Variants in TMEM120B observed in about 807,000 individuals in gnomAD.
TMEM120B encodes transmembrane protein 120B.
Under a neutral mutation model 55.5 loss-of-function variants are expected in TMEM120B, and 31 were observed. The observed-to-expected ratio is 0.56, with a 90% confidence interval of 0.42 to 0.75. The LOEUF (loss-of-function observed/expected upper bound fraction) is 0.75. Ranked by LOEUF, TMEM120B falls within the 30% of genes least tolerant of loss-of-function variation. The pLI is 0.00. For missense variants in TMEM120B, 399 were observed against 425.5 expected (o/e 0.94, Z 0.55); for synonymous variants, 203 against 176.3 (o/e 1.15, Z -1.20).
At chr12:121,752,107 T>C (rs1873349282) in intron 4 of TMEM120B, 21 bp from the exon 5 acceptor site, 2 of 1,604,820 alleles carry the variant, frequency 1.2e-6, no homozygotes, top group Admixed American at 3.3e-5. Context: ...GGCACACCCC[T>C]GGGCGTGTCT....
intron 6 of TMEM120B, among the ~76,000 whole-genome samples, chr12:121,770,634 A>G (rs1730820909): frequency 1.3e-5 from 2 of 151,990 alleles, no homozygotes; most frequent in African/African-American, 4.8e-5. Context: ...TGAGGCTTGA[A>G]GGCAGGTGAG....
chr12:121,781,403 C>T lies in TMEM120B; in HGVS notation c.*5681C>T. On this transcript the variant is annotated 3_prime_UTR_variant, in exon 12 of 12. Transcript: ENST00000449592. ...GGAGGATCGCTTGAGCCCAGGAGGT[C>T]AAGGCTACAGTGAGCCGTGATCATG... 1 of 540,936 alleles carries T rather than the reference C, an allele frequency of 1.8e-6. No homozygotes were observed. Among genetic ancestry groups the T allele is most frequent in the Non-Finnish European group, 3.3e-6 (1 of 299,616 alleles). The allele number at this position is 540,936 out of a possible 1,614,324, so 33.5% of individuals were successfully genotyped here. A position where few individuals can be genotyped will look rare whatever the true frequency, so the allele number is the denominator to read the frequency against.
intron 5 of TMEM120B, among the ~76,000 whole-genome samples, chr12:121,753,018 G>GAGTC (rs1247534142): frequency 4.6e-5 from 7 of 152,138 alleles, no homozygotes; most frequent in Admixed American, 4.6e-4. Flanking sequence ...TGAGATGGGA[G>GAGTC]GACTGTTTGA....
intron 4 of TMEM120B, among the ~76,000 whole-genome samples, chr12:121,751,111 A>AT (rs1873303347): frequency 2.5e-5 from 2 of 81,420 alleles, no homozygotes; most frequent in Non-Finnish European, 4.9e-5. Flanking sequence ...CCCACACCCC[A>AT]AACCCAAACC....
chr12:121,756,712 AGCTTTGT>A (rs1487599916), intron 5 of TMEM120B, among the ~76,000 whole-genome samples: 1 of 152,232 alleles, frequency 6.6e-6, no homozygotes, highest in East Asian at 1.9e-4. Context: ...ACTGCTTTGA[AGCTTTGT>A]GGCCCTACTT....
Position 121,781,249 on chromosome 12 carries a change from C to G in TMEM120B, c.*5527C>G. ...CGTCCCCTCCCTGTCTGGACTCTGA[C>G]GGGTGAAGGGGAAGGGGCCAGGCAA... On this transcript the variant is annotated 3_prime_UTR_variant, in exon 12 of 12. Coordinates refer to ENST00000449592, the MANE Select transcript of TMEM120B (RefSeq NM_001080825.2). 1 of 1,514,262 alleles carries G rather than the reference C, an allele frequency of 6.6e-7. No homozygotes were observed. The highest frequency in any genetic ancestry group is 9.1e-7 in the Non-Finnish European group (1 of 1,094,210). The allele number at this position is 1,514,262 out of a possible 1,614,324, so 93.8% of individuals were successfully genotyped here.
At chr12:121,766,415 C>T (rs992690517) in intron 6 of TMEM120B, among the ~76,000 whole-genome samples, 1 of 152,146 alleles carries the variant, frequency 6.6e-6, no homozygotes, top group African/African-American at 2.4e-5. Context: ...GTCAGGAGGG[C>T]TCAGGAGGTG....
chr12:121,777,290 T>A lies in TMEM120B; in HGVS notation c.*1568T>A, dbSNP rs73413717. The A allele has an allele frequency of 0.19, 28,583 of 151,742 alleles. 4,182 individuals carry two copies. Among genetic ancestry groups the A allele is most frequent in the African/African-American group, 0.4 (16,619 of 41,236 alleles). 9.4% of individuals were successfully genotyped at this position (151,742 alleles called of 1,614,324 possible). Reference sequence around the variant, plus strand: ...TGGTCACCCTGCTACTTTTTAATACTTTTTAGTAGAGATGGGGTCTCACTA... The same window carrying A: ...TGGTCACCCTGCTACTTTTTAATACATTTTAGTAGAGATGGGGTCTCACTA... On this transcript the variant is annotated 3_prime_UTR_variant, in exon 12 of 12. Coordinates refer to ENST00000449592, the MANE Select transcript of TMEM120B (RefSeq NM_001080825.2).
At chr12:121,773,233 A>G (rs1686585609) in intron 8 of TMEM120B, among the ~76,000 whole-genome samples, 188 bp from the exon 9 acceptor site, 1 of 152,188 alleles carries the variant, frequency 6.6e-6, no homozygotes, top group Non-Finnish European at 1.5e-5. Flanking sequence ...GATAAGGGCT[A>G]AAGCAGGTTC....
intron 1 of TMEM120B, among the ~76,000 whole-genome samples, chr12:121,735,886 T>C (rs1401341249): frequency 6.6e-6 from 1 of 152,046 alleles, no homozygotes; most frequent in Non-Finnish European, 1.5e-5. Flanking sequence ...AGACGGGGGT[T>C]TCACCGTGTT....
intron 5 of TMEM120B, among the ~76,000 whole-genome samples, chr12:121,756,481 A>G (rs998362236): frequency 2.6e-5 from 4 of 152,168 alleles, no homozygotes; most frequent in Admixed American, 2.0e-4. Flanking sequence ...GCTGGTCTCA[A>G]ACTCCTAAAG....
Position 121,779,430 on chromosome 12 carries a change from C to T in TMEM120B, c.*3708C>T. On this transcript the variant is annotated 3_prime_UTR_variant, in exon 12 of 12. Coordinates refer to ENST00000449592, the MANE Select transcript of TMEM120B (RefSeq NM_001080825.2). Reference sequence around the variant, plus strand: ...CTGGAGGGTCGGGATGGGGCAGCCTCCCTGGTGCAATCGGCACCTGGGCCC... The same window carrying T: ...CTGGAGGGTCGGGATGGGGCAGCCTTCCTGGTGCAATCGGCACCTGGGCCC... 3.2e-6 allele frequency: 5 copies of T among 1,561,460 alleles called. No homozygotes were observed. In the South Asian group the frequency reaches 5.6e-5, roughly 18 times the overall value.
chr12:121,757,876 C>G (rs1304436079), intron 5 of TMEM120B, among the ~76,000 whole-genome samples: 1 of 152,216 alleles, frequency 6.6e-6, no homozygotes, highest in Non-Finnish European at 1.5e-5. Flanking sequence ...TGGTCTTGAA[C>G]TCCTGACCTC....
Position 121,780,578 on chromosome 12 carries a change from CTTCTCGCTAGCTGTG to C in TMEM120B, c.*4858_*4872del, listed in dbSNP as rs1874413198. 13 of 516,356 alleles carry C rather than the reference CTTCTCGCTAGCTGTG, an allele frequency of 2.5e-5. No homozygotes were observed. The Admixed American group carries it at 4.1e-4, about 16-fold the overall frequency. The allele number at this position is 516,356 out of a possible 1,614,324, so 32.0% of individuals were successfully genotyped here. On this transcript the variant is annotated 3_prime_UTR_variant, in exon 12 of 12. Coordinates refer to ENST00000449592, the MANE Select transcript of TMEM120B (RefSeq NM_001080825.2). ...TGGATGGGACCAGATCCTGGCTCCA[CTTCTCGCTAGCTGTG>C]TGGCCCTGGGCAAGCTGCTTAACCT...
chr12:121,765,330 G>A (rs965586214), intron 6 of TMEM120B, among the ~76,000 whole-genome samples: 3 of 151,920 alleles, frequency 2.0e-5, no homozygotes, highest in South Asian at 2.1e-4. Flanking sequence ...GGGTTTCACC[G>A]TGCTGGCCAG....
Position 121,779,126 on chromosome 12 carries a change from G to A in TMEM120B, c.*3404G>A, listed in dbSNP as rs147476450. The A allele has an allele frequency of 3.7e-3, 759 of 203,964 alleles. 3 individuals carry two copies. The highest frequency in any genetic ancestry group is 0.016 in the African/African-American group (713 of 43,978). 12.6% of individuals were successfully genotyped at this position (203,964 alleles called of 1,614,324 possible). ...GACACAGGAGTGGCAGGCTTGGGGC[G>A]CCCGCGTGGAACAGTGCCAGGTCTA... On this transcript the variant is annotated 3_prime_UTR_variant, in exon 12 of 12. Transcript: ENST00000449592.
At chr12:121,735,138 A>G (rs974714995) in intron 1 of TMEM120B, among the ~76,000 whole-genome samples, 24 of 146,908 alleles carry the variant, frequency 1.6e-4, no homozygotes, top group Admixed American at 4.2e-4. Context: ...GTGATCCAAG[A>G]TCGCACCAGT....
intron 7 of TMEM120B, among the ~76,000 whole-genome samples, chr12:121,771,199 G>A (rs1874040766): frequency 6.6e-6 from 1 of 152,202 alleles, no homozygotes; most frequent in Non-Finnish European, 1.5e-5. Context: ...AGAGGTAGCG[G>A]GGCTGCAAGG....
intron 6 of TMEM120B, among the ~76,000 whole-genome samples, chr12:121,769,942 G>A (rs531073030): frequency 7.9e-5 from 12 of 152,204 alleles, no homozygotes; most frequent in South Asian, 2.1e-4. Context: ...AGTGTGATCC[G>A]AGTGGGGCCA....
Sources: allele counts gnomAD v4.1 joint callset (sites outside exome capture counted in the v4.1 genomes callset), GRCh38; gene constraint gnomAD v4.1.1; transcripts MANE v1.5; gene names NCBI Gene and HGNC (gene_info 2026-07-23, HGNC 2026-07-21).